Variants in P2RX7 observed in about 807,000 individuals in gnomAD.
P2RX7 encodes P2X purinoceptor 7.
In P2RX7, 62 loss-of-function variants were observed where a neutral mutation model predicts 71.6. That is an observed-to-expected ratio of 0.87 (90% CI 0.71 to 1.07). The LOEUF (loss-of-function observed/expected upper bound fraction) is 1.07. Among genes scored for constraint, P2RX7 ranks in the 50% least tolerant of loss-of-function variants. P2RX7 has a pLI of 0.00. For synonymous variants in P2RX7, 299 were observed against 283.3 expected (o/e 1.06, Z -0.56); for missense variants, 686 against 748.5 (o/e 0.92, Z 0.97).
At chr12:121,165,551 GTC>G in intron 6 of P2RX7, 114 bp downstream of exon 6, 2 of 832,350 alleles carry the variant, frequency 2.4e-6, no homozygotes, top group Non-Finnish European at 3.9e-6. Context: ...GTTTCTGTGG[GTC>G]AGGAATCTGG....
intron 12 of P2RX7, among the ~76,000 whole-genome samples, chr12:121,182,004 C>A (rs550507727): frequency 6.7e-6 from 1 of 148,192 alleles, no homozygotes; most frequent in African/African-American, 2.5e-5. Flanking sequence ...GCAGAGGCTG[C>A]GGTTAGCTGA....
In P2RX7 at chr12:121,180,343, T is replaced by C. The variant is rs953293845; in HGVS notation, c.1189-11T>C. The stretch of plus-strand genomic sequence containing the variant: ...CAAAAATGGGTAAACTTTCAAACCA[T>C]CTTTTCCTAGACATTAAAGTATGTG... On this transcript the variant is annotated splice_polypyrimidine_tract_variant and intron_variant, in intron 11 of 12. Transcript: ENST00000328963. 1 of 1,502,226 alleles carries C rather than the reference T, an allele frequency of 6.7e-7. No homozygotes were observed. The highest frequency in any genetic ancestry group is 9.1e-7 in the Non-Finnish European group (1 of 1,100,472). The allele number at this position is 1,502,226 out of a possible 1,614,324, so 93.1% of individuals were successfully genotyped here.
chr12:121,182,148 T>C (rs193044254), intron 12 of P2RX7, among the ~76,000 whole-genome samples: 22 of 152,278 alleles, frequency 1.4e-4, no homozygotes, highest in Admixed American at 7.9e-4. Flanking sequence ...ATTGTACTGA[T>C]TGATTTTCAA....
chr12:121,165,215 G>T, intron 5 of P2RX7, 142 bp from the exon 6 acceptor site: 1 of 631,004 alleles, frequency 1.6e-6, no homozygotes, highest in Non-Finnish European at 2.8e-6. Context: ...AGAATGCTTT[G>T]CCCACTAGGT....
chr12:121,169,022 C>T (rs959823099), intron 8 of P2RX7, among the ~76,000 whole-genome samples: 3 of 151,732 alleles, frequency 2.0e-5, no homozygotes, highest in Admixed American at 6.6e-5. Context: ...TGGAGTGGAC[C>T]GGGTGCAATT....
chr12:121,183,476 C>T (rs1230336193), intron 12 of P2RX7, among the ~76,000 whole-genome samples: 1 of 150,702 alleles, frequency 6.6e-6, no homozygotes, highest in East Asian at 2.0e-4. Flanking sequence ...GAGGCTGAGG[C>T]AGAAGAATCG....
chr12:121,146,287 CTTTTTTTTTTTT>C (rs35415599), intron 1 of P2RX7, among the ~76,000 whole-genome samples: 11 of 80,412 alleles, frequency 1.4e-4, no homozygotes, highest in East Asian at 4.1e-4. Flanking sequence ...TCAAGCCTCT[CTTTTTTTTTTTT>C]TTTTTTTTTT....
intron 11 of P2RX7, among the ~76,000 whole-genome samples, chr12:121,179,224 C>T (rs1033486718): frequency 6.6e-6 from 1 of 152,144 alleles, no homozygotes; most frequent in Admixed American, 6.6e-5. Flanking sequence ...ATTGGCTAGA[C>T]GTGGTGGCTC....
At chr12:121,138,499 T>A (rs1874159425) in intron 1 of P2RX7, among the ~76,000 whole-genome samples, 1 of 152,176 alleles carries the variant, frequency 6.6e-6, no homozygotes, top group Admixed American at 6.5e-5. Flanking sequence ...ATGTGCTGGC[T>A]CCCGTAGCAG....
chr12:121,184,441 G>A lies in P2RX7; in HGVS notation c.1427G>A (p.Trp476Ter). The change falls in exon 13 of 13, where the codon TGG (tryptophan) becomes TAG (stop). Residue 476 changes from tryptophan (W) to a stop codon, truncating the protein, a stop_gained. Transcript: ENST00000328963. LOFTEE classifies it high-confidence loss of function. ...ATPRSRDSPV[W>*]CQCGSCLPSQ... ...CCTAGATCCAGGGATAGCCCCGTCTGGTGCCAGTGTGGAAGCTGCCTCCCA... is the reference window on the plus strand; with the variant it reads ...CCTAGATCCAGGGATAGCCCCGTCTAGTGCCAGTGTGGAAGCTGCCTCCCA... 7 of 1,614,166 alleles carry A rather than the reference G, an allele frequency of 4.3e-6. No homozygotes were observed. The highest frequency in any genetic ancestry group is 5.9e-6 in the Non-Finnish European group (7 of 1,180,020).
chr12:121,156,564 C>A (rs1285239827), intron 3 of P2RX7, among the ~76,000 whole-genome samples: 1 of 151,482 alleles, frequency 6.6e-6, no homozygotes, highest in Non-Finnish European at 1.5e-5. Context: ...GTTGTGACTT[C>A]CCCCAGGGTC....
intron 1 of P2RX7, among the ~76,000 whole-genome samples, chr12:121,136,805 C>A (rs912863741): frequency 1.3e-5 from 2 of 151,816 alleles, no homozygotes; most frequent in African/African-American, 4.8e-5. Context: ...CACCACCACG[C>A]CCAGCTAATT....
At chr12:121,163,358 G>GCACACACA (rs1352653146) in intron 5 of P2RX7, among the ~76,000 whole-genome samples, 6 of 100,430 alleles carry the variant, frequency 6.0e-5, no homozygotes, top group African/African-American at 1.7e-4. Context: ...ACACACACAC[G>GCACACACA]CACACACACA....
At position 121,154,884 on chromosome 12, in the gene P2RX7, C is replaced by A. The variant is rs145127272; in HGVS notation, c.225C>A (p.Ile75=). The change falls in exon 2 of 13, where the codon ATC becomes ATA. Residue 75 remains isoleucine (I), a synonymous_variant. Coordinates refer to ENST00000328963, the MANE Select transcript of P2RX7 (RefSeq NM_002562.6). This position sits in a 1 kb window ranked among gnomAD's most constrained non-coding sequence, Gnocchi z 4.2. ...VKGIAEVKEE[I]VENGVKKLVH... is the part of the protein sequence containing the mutation. ...GGATAGCAGAGGTGAAAGAGGAGAT[C>A]GTGGAGAATGGAGTGAAGAAGTTGG... The A allele has an allele frequency of 6.2e-7, 1 of 1,614,120 alleles. No individual in the cohort carries two copies. Among genetic ancestry groups the A allele is most frequent in the South Asian group, 1.1e-5 (1 of 91,082 alleles).
chr12:121,177,858 A>G (rs1210065122), intron 11 of P2RX7, among the ~76,000 whole-genome samples: 1 of 151,946 alleles, frequency 6.6e-6, no homozygotes, highest in African/African-American at 2.4e-5. Context: ...AGCTGGGACT[A>G]CAGGGGCACA....
In P2RX7 at chr12:121,172,489, G is replaced by A. The variant is rs12296736; in HGVS notation, c.882-2899G>A. 3.2e-3 allele frequency among the ~76,000 whole-genome samples: 482 copies of A among 152,242 alleles called. 3 individuals are homozygous for A. The highest frequency in any genetic ancestry group is 0.011 in the African/African-American group (451 of 41,546). On this transcript the variant is annotated intron_variant, in intron 8 of 12. Coordinates refer to ENST00000328963, the MANE Select transcript of P2RX7 (RefSeq NM_002562.6). ...TATAAAAAAATTTTAAAAATTAGTC[G>A]GGTGTAATGGTTTGCACCTGTAGTC...
chr12:121,161,735 T>G (rs566594665), intron 4 of P2RX7, among the ~76,000 whole-genome samples: 6 of 146,472 alleles, frequency 4.1e-5, no homozygotes, highest in Non-Finnish European at 8.9e-5. Flanking sequence ...GAGGTTGCAG[T>G]GAGCCAAGAT....
At chr12:121,137,705 T>A (rs1237428478) in intron 1 of P2RX7, among the ~76,000 whole-genome samples, 1 of 152,208 alleles carries the variant, frequency 6.6e-6, no homozygotes, top group Non-Finnish European at 1.5e-5. Context: ...GACTTAGCCA[T>A]CTGTGAAATG....
At chr12:121,162,585 C>G in intron 5 of P2RX7, 65 bp downstream of exon 5, 1 of 1,571,446 alleles carries the variant, frequency 6.4e-7, no homozygotes, top group Non-Finnish European at 8.6e-7. Flanking sequence ...CTTGCCGAGG[C>G]TGCTTGGGCC....
Sources: gnomAD v4.1 joint callset for allele counts (sites outside exome capture counted in the v4.1 genomes callset) on GRCh38, gnomAD v4.1.1 for gene constraint, Gnocchi (gnomAD v3.1) non-coding constraint, MANE v1.5 for transcripts, NCBI Gene and HGNC (gene_info 2026-07-23, HGNC 2026-07-21) for gene names.